TBCD: variants seen among roughly 807,000 people sequenced by gnomAD.
TBCD encodes the protein tubulin folding cofactor D, also known as tubulin-specific chaperone D.
In TBCD, 105 loss-of-function variants were observed where a neutral mutation model predicts 169.3. That is an observed-to-expected ratio of 0.62 (90% confidence interval 0.53 to 0.73). The LOEUF (loss-of-function observed/expected upper bound fraction) is 0.73. Ranked by LOEUF, TBCD falls within the 30% of genes least tolerant of loss-of-function variation. The probability of loss-of-function intolerance (pLI) is 0.00; values close to 1 mark genes in which losing one functional copy is unlikely to be tolerated. For missense variants in TBCD, 1,444 were observed against 1,600.1 expected, an observed-to-expected ratio of 0.90 and a Z score of 1.66; for synonymous variants, 700 against 643.9, an observed-to-expected ratio of 1.09 and a Z score of -1.32.
At chr17:82,899,439 G>T (rs960316079) in intron 17 of TBCD, among the ~76,000 whole-genome samples, 1 of 150,490 alleles carries the variant, frequency 6.6e-6, no homozygotes, top group East Asian at 2.0e-4. Flanking sequence ...AGCATCGTGC[G>T]CCTGGGGCCC....
Position 82,797,603 on chromosome 17 carries a change from T to C in TBCD, c.772-154T>C, listed in dbSNP as rs878860528. Among the ~76,000 whole-genome samples, 6 of 152,214 alleles carry C rather than the reference T, an allele frequency of 3.9e-5. No homozygotes were observed. In the South Asian group the frequency reaches 1.2e-3, roughly 31 times the overall value. On this transcript the variant is annotated intron_variant, in intron 7 of 38. Transcript: ENST00000355528. ...TTTCACTAGTCTCTTATAATTACTT[T>C]ATCATGTACAGAAACTGTTTTCTTT...
At chr17:82,876,861 C>A in intron 14 of TBCD, 1 of 534,112 alleles carries the variant, frequency 1.9e-6, no homozygotes, top group Non-Finnish European at 2.4e-6. Flanking sequence ...GTCCAAATTG[C>A]TGAGTACTGC....
intron 21 of TBCD, 31 bp from the exon 22 acceptor site, chr17:82,909,254 C>T: frequency 6.9e-7 from 1 of 1,455,766 alleles, no homozygotes; most frequent in South Asian, 1.3e-5. Flanking sequence ...AAATTTAAAT[C>T]ATTAAATAAC....
chr17:82,913,199 CGA>C (rs2060769397), intron 23 of TBCD: 2 of 152,244 alleles, frequency 1.3e-5, no homozygotes, highest in Non-Finnish European at 1.5e-5. Context: ...AGTGGGGTGT[CGA>C]GTGCTCTCAG....
rs772763914 is a variant in TBCD, at chr17:82,830,366, G to A, written c.1318+15432G>A. On this transcript the variant is annotated intron_variant, in intron 13 of 38. Coordinates refer to ENST00000355528, the MANE Select transcript of TBCD (RefSeq NM_005993.5). ...GCCGCAGCATCCCCATCGCCCACCCGGATGTTCCTGGGGCTGTAGGCCGCC... is the reference window on the plus strand; with the variant it reads ...GCCGCAGCATCCCCATCGCCCACCCAGATGTTCCTGGGGCTGTAGGCCGCC... 7 of 1,613,166 alleles carry A rather than the reference G, an allele frequency of 4.3e-6. No homozygotes were observed. The South Asian group carries it at 6.6e-5, about 15-fold the overall frequency.
chr17:82,915,899 C>T lies in TBCD; in HGVS notation c.2038+4110C>T, dbSNP rs761903226. Reference sequence around the variant, plus strand: ...CTTCCTGCTGTGGGGGTGAGGGCTCCGTGCTCCATCTCTGATGCCCTGTAC... The same window carrying T: ...CTTCCTGCTGTGGGGGTGAGGGCTCTGTGCTCCATCTCTGATGCCCTGTAC... On this transcript the variant is annotated intron_variant, in intron 23 of 38. Coordinates refer to ENST00000355528, the MANE Select transcript of TBCD (RefSeq NM_005993.5). This position sits in a 1 kb window ranked among gnomAD's most constrained non-coding sequence, Gnocchi z 4.3. Among the ~76,000 whole-genome samples the T allele has an allele frequency of 3.3e-5, 5 of 152,164 alleles. No homozygotes were observed. Among genetic ancestry groups the T allele is most frequent in the Non-Finnish European group, 4.4e-5 (3 of 68,038 alleles).
chr17:82,932,590 C>G, intron 33 of TBCD, 68 bp from the exon 34 acceptor site: 1 of 1,325,506 alleles, frequency 7.5e-7, no homozygotes, highest in Non-Finnish European at 1.1e-6. Flanking sequence ...TGCTGACTCT[C>G]AGCCATTCAG....
At chr17:82,754,002 G>A (rs143462942) in intron 1 of TBCD, among the ~76,000 whole-genome samples, 1 of 150,082 alleles carries the variant, frequency 6.7e-6, no homozygotes, top group Non-Finnish European at 1.5e-5. Context: ...TCAGCCTCCC[G>A]AGTAGCTGGG....
chr17:82,837,835 G>C (rs967847189), intron 13 of TBCD, among the ~76,000 whole-genome samples: 4 of 152,220 alleles, frequency 2.6e-5, no homozygotes. Flanking sequence ...AGCCTGGCCT[G>C]GCACAAAGCC....
Position 82,884,594 on chromosome 17 carries a change from G to A in TBCD, c.1533+392G>A, listed in dbSNP as rs902946300. 1.3e-5 allele frequency among the ~76,000 whole-genome samples: 2 copies of A among 152,160 alleles called. No homozygotes were observed. Among genetic ancestry groups the A allele is most frequent in the African/African-American group, 4.8e-5 (2 of 41,436 alleles). Reference sequence around the variant, plus strand: ...CACTCACCGGGTGGCTTTGAGCCTCGGGAGGGGCTGTTGCGAGCAGTGGTC... The same window carrying A: ...CACTCACCGGGTGGCTTTGAGCCTCAGGAGGGGCTGTTGCGAGCAGTGGTC... On this transcript the variant is annotated intron_variant, in intron 15 of 38. Transcript: ENST00000355528. The surrounding 1 kb of genome is among the most constrained non-coding windows in gnomAD (Gnocchi z 4.2).
intron 13 of TBCD, among the ~76,000 whole-genome samples, chr17:82,847,932 C>T (rs988090319): frequency 6.6e-6 from 1 of 152,148 alleles, no homozygotes; most frequent in African/African-American, 2.4e-5. Flanking sequence ...GCCGGGCCCA[C>T]GATTTGAATT....
chr17:82,804,845 C>A (rs946688654), intron 9 of TBCD, among the ~76,000 whole-genome samples: 2 of 152,220 alleles, frequency 1.3e-5, no homozygotes, highest in African/African-American at 4.8e-5. Context: ...AACTGCCCCC[C>A]TCCTTGTTTC....
chr17:82,789,859 C>T lies in TBCD; in HGVS notation c.772-7898C>T, dbSNP rs911988306. The stretch of plus-strand genomic sequence containing the variant: ...GTCACACCTGTTGTACCATCACTTT[C>T]CCCTCCTGGCCTGTTTACCCGGGAG... On this transcript the variant is annotated intron_variant, in intron 7 of 38. Transcript: ENST00000355528. The surrounding 1 kb of genome is among the most constrained non-coding windows in gnomAD (Gnocchi z 4.8). Among the ~76,000 whole-genome samples, 6 of 152,214 alleles carry T rather than the reference C, an allele frequency of 3.9e-5. No individual in the cohort carries two copies. Among genetic ancestry groups the T allele is most frequent in the African/African-American group, 1.2e-4 (5 of 41,448 alleles).
At chr17:82,805,842 A>G (rs748241277) in intron 9 of TBCD, 33 bp from the exon 10 acceptor site, 4 of 1,584,306 alleles carry the variant, frequency 2.5e-6, no homozygotes, top group Non-Finnish European at 3.5e-6. Context: ...TGTGAGCTAC[A>G]AAGCTGATCT....
chr17:82,932,530 G>A, intron 33 of TBCD, 128 bp from the exon 34 acceptor site: 1 of 752,664 alleles, frequency 1.3e-6, no homozygotes, highest in Non-Finnish European at 2.3e-6. Context: ...CTGAAGCTTT[G>A]CGTTTCCACG....
chr17:82,768,876 G>A (rs1486551546), intron 5 of TBCD, among the ~76,000 whole-genome samples: 1 of 152,098 alleles, frequency 6.6e-6, no homozygotes, highest in Non-Finnish European at 1.5e-5. Flanking sequence ...AGTTCTTAAC[G>A]TTATATAAAT....
chr17:82,784,571 G>A (rs1598477245), intron 7 of TBCD, among the ~76,000 whole-genome samples: 1 of 152,206 alleles, frequency 6.6e-6, no homozygotes, highest in Non-Finnish European at 1.5e-5. Context: ...TCTGGTAAAG[G>A]TGGTGGATTT....
intron 13 of TBCD, chr17:82,839,844 T>C (rs1427497252): frequency 2.0e-5 from 3 of 152,260 alleles, no homozygotes; most frequent in African/African-American, 4.8e-5. Flanking sequence ...GAGCAAACGC[T>C]GCGTTCAGCT....
intron 14 of TBCD, chr17:82,877,052 C>G (rs2058026872): frequency 1.2e-6 from 1 of 830,150 alleles, no homozygotes; most frequent in South Asian, 5.5e-5. Flanking sequence ...ATGTTCCACA[C>G]TTTAAATATA....
Sources: allele counts gnomAD v4.1 joint callset (sites outside exome capture counted in the v4.1 genomes callset), GRCh38; gene constraint gnomAD v4.1.1; non-coding constraint Gnocchi (gnomAD v3.1); transcripts MANE v1.5; gene names NCBI Gene and HGNC (gene_info 2026-07-23, HGNC 2026-07-21).